ZRSR2: variants seen among roughly 807,000 people sequenced by gnomAD.
The protein encoded by ZRSR2 is zinc finger CCCH-type, RNA binding motif and serine/arginine rich 2.
Under a neutral mutation model 39.4 loss-of-function variants are expected in ZRSR2, and 3 were observed. That is an observed-to-expected ratio of 0.08 (90% CI 0.03 to 0.20). The LOEUF (loss-of-function observed/expected upper bound fraction) is 0.20. ZRSR2 is among the 10% of genes least tolerant of loss of function. The pLI is 1.00. For missense variants in ZRSR2, 256 were observed against 391.5 expected, an observed-to-expected ratio of 0.65 and a Z score of 2.92; for synonymous variants, 137 against 136.0, an observed-to-expected ratio of 1.01 and a Z score of -0.05.
intron 2 of ZRSR2, among the ~76,000 whole-genome samples, chrX:15,795,342 G>A (rs955455900): frequency 5.4e-5 from 6 of 110,637 alleles, no homozygotes; most frequent in African/African-American, 1.6e-4. Context: ...AGAGTACCAC[G>A]TGTAATGAGC....
chrX:15,797,727 C>CG (rs1266861546), intron 2 of ZRSR2, among the ~76,000 whole-genome samples: 1 of 110,591 alleles, frequency 9.0e-6, no homozygotes, highest in Non-Finnish European at 1.9e-5. Flanking sequence ...TTTAAATAGA[C>CG]CAAGGTGGTT....
chrX:15,807,572 G>A (rs1932812777), intron 5 of ZRSR2, among the ~76,000 whole-genome samples: 1 of 109,373 alleles, frequency 9.1e-6, no homozygotes, highest in Non-Finnish European at 1.9e-5. Context: ...TTATAGGTGT[G>A]AGCCACCATG....
Position 15,815,553 on chromosome X carries a change from C to T in ZRSR2, c.558-124C>T, listed in dbSNP as rs767195736. ...AACTCTGGACCTCAGGTGATTCACC[C>T]GCCTCGGCCTCCCAAAGTGTTGGGA... On this transcript the variant is annotated intron_variant, in intron 7 of 10. Transcript: ENST00000307771. 6.2e-5 allele frequency: 34 copies of T among 552,706 alleles called. No individual in the cohort carries two copies. The East Asian group carries it at 8.5e-4, about 14-fold the overall frequency. 45.5% of individuals were successfully genotyped at this position (552,706 alleles called of 1,213,427 possible).
chrX:15,799,936 G>C lies in ZRSR2; in HGVS notation c.186G>C (p.Lys62Asn), dbSNP rs1932610535. ...AAGAACAACAACTAGAAGAAGAGAA[G>C]CTATTGGAAAGAGAGAGGTCAGTGC... ...FIEEQQLEEE[K>N]LLERERQRLH... is the part of the protein sequence containing the mutation. Residue 62 changes from lysine to asparagine, a missense_variant, in exon 3 of 11, where the codon AAG becomes AAC. Transcript: ENST00000307771. 1 of 1,197,955 alleles carries C rather than the reference G, an allele frequency of 8.3e-7. No homozygotes were observed. The highest frequency in any genetic ancestry group is 1.8e-5 in the African/African-American group (1 of 56,682).
chrX:15,798,603 A>G (rs1932557601), intron 2 of ZRSR2, among the ~76,000 whole-genome samples: 1 of 111,620 alleles, frequency 9.0e-6, no homozygotes, highest in African/African-American at 3.3e-5. Context: ...CAGAACCACA[A>G]TACCAAACTT....
intron 5 of ZRSR2, among the ~76,000 whole-genome samples, chrX:15,807,965 G>A (rs1302333815): frequency 9.0e-6 from 1 of 110,514 alleles, no homozygotes; most frequent in Non-Finnish European, 1.9e-5. Flanking sequence ...ACTTGAGCCT[G>A]GGAGGCGGAG....
chrX:15,801,868 T>C (rs1488197406), intron 3 of ZRSR2: 1 of 112,521 alleles, frequency 8.9e-6, no homozygotes, highest in Non-Finnish European at 1.9e-5. Context: ...AGCAAGAAAA[T>C]TATGTAAAAA....
At chrX:15,818,477 C>A (rs1276813589) in intron 8 of ZRSR2, 110 bp from the exon 9 acceptor site, 2 of 677,217 alleles carry the variant, frequency 3.0e-6, no homozygotes, top group Admixed American at 3.2e-5. Context: ...ATTTTGCAAT[C>A]TTTGATTGGT....
At position 15,804,113 on chromosome X, in the gene ZRSR2, A is replaced by C; in HGVS notation, c.315A>C (p.Arg105Ser). The change falls in exon 5 of 11, where the codon AGA (arginine) becomes AGC (serine). Residue 105 changes from arginine (R) to serine (S), a missense_variant and splice_region_variant. Transcript: ENST00000307771. ...AAKKRQEEQE[R>S]KLKEQWEEQQ... The stretch of plus-strand genomic sequence containing the variant: ...TTACTTTTTCTTCCCCTTTAAAGAG[A>C]AAGTTAAAGGAACAATGGGAAGAAC... 1 of 1,185,239 alleles carries C rather than the reference A, an allele frequency of 8.4e-7. No homozygotes were observed. Among genetic ancestry groups the C allele is most frequent in the Non-Finnish European group, 1.1e-6 (1 of 886,669 alleles).
chrX:15,811,969 G>A (rs1322022541), intron 7 of ZRSR2, among the ~76,000 whole-genome samples: 5 of 109,127 alleles, frequency 4.6e-5, no homozygotes, highest in African/African-American at 1.3e-4. Flanking sequence ...TCGCTCTGTC[G>A]CCCAGGCTGG....
At chrX:15,822,401 G>A (rs1355865465) in intron 10 of ZRSR2, among the ~76,000 whole-genome samples, 3 of 112,090 alleles carry the variant, frequency 2.7e-5, no homozygotes, top group East Asian at 5.6e-4. Flanking sequence ...GATCAAAATC[G>A]TCAATCAGTG....
Position 15,823,178 on chromosome X carries a change from G to A in ZRSR2, c.1385G>A (p.Arg462Gln), listed in dbSNP as rs1195011512. Residue 462 changes from arginine to glutamine, a missense_variant, in exon 11 of 11, where the codon CGA becomes CAA. Arg to Gln is a conservative substitution (Grantham distance 43, BLOSUM62 1). This residue lies in a region of ZRSR2 where 111 missense variants were observed against 116.7 expected (regional missense o/e 0.95). Transcript: ENST00000307771. ...RSRSQSSSRS[R>Q]SRGRRRSGNR... ...CGGAGCCAAAGTTCCTCTAGGTCCCGAAGTCGTGGCAGGAGGAGGTCGGGT... is the reference window on the plus strand; with the variant it reads ...CGGAGCCAAAGTTCCTCTAGGTCCCAAAGTCGTGGCAGGAGGAGGTCGGGT... The A allele has an allele frequency of 1.3e-5, 16 of 1,199,226 alleles. No individual in the cohort carries two copies. Among genetic ancestry groups the A allele is most frequent in the Non-Finnish European group, 1.8e-5 (16 of 890,556 alleles).
intron 2 of ZRSR2, 135 bp downstream of exon 2, chrX:15,791,148 T>C: frequency 1.9e-6 from 1 of 525,642 alleles, no homozygotes; most frequent in Admixed American, 3.5e-5. Context: ...TGCCCCCAAG[T>C]AGTTATTTAG....
chrX:15,804,291 C>T (rs927507836), intron 5 of ZRSR2, 94 bp downstream of exon 5: 3 of 1,071,763 alleles, frequency 2.8e-6, no homozygotes, highest in Admixed American at 3.5e-5. Context: ...TTTTTCTTGT[C>T]ATTTCATTGT....
intron 4 of ZRSR2, 44 bp from the exon 5 acceptor site, chrX:15,804,067 T>A: frequency 1.8e-6 from 2 of 1,128,149 alleles, no homozygotes; most frequent in Non-Finnish European, 2.3e-6. Context: ...GAAATGTTTT[T>A]AAAAAGTGAC....
intron 7 of ZRSR2, among the ~76,000 whole-genome samples, chrX:15,812,712 T>A (rs760902707): frequency 2.7e-5 from 3 of 112,253 alleles, no homozygotes; most frequent in Non-Finnish European, 5.6e-5. Flanking sequence ...AGGTTCGTGA[T>A]CTAGCACATT....
intron 2 of ZRSR2, among the ~76,000 whole-genome samples, chrX:15,798,190 C>T (rs1160249083): frequency 8.9e-6 from 1 of 112,484 alleles, no homozygotes; most frequent in African/African-American, 3.2e-5. Flanking sequence ...GTACTCAACA[C>T]ATGTGACAAA....
chrX:15,803,137 C>G (rs1932724777), intron 3 of ZRSR2, among the ~76,000 whole-genome samples: 1 of 109,962 alleles, frequency 9.1e-6, no homozygotes, highest in Admixed American at 9.7e-5. Context: ...GTGGTGGGCA[C>G]CTGTAATCCC....
chrX:15,792,891 A>G (rs1031930353), intron 2 of ZRSR2, among the ~76,000 whole-genome samples: 2 of 112,499 alleles, frequency 1.8e-5, no homozygotes, highest in Non-Finnish European at 3.8e-5. Context: ...TCAAGTAACT[A>G]GGATTCTTGG....
Sources: allele counts gnomAD v4.1 joint callset (sites outside exome capture counted in the v4.1 genomes callset), GRCh38; gene constraint gnomAD v4.1.1; regional missense constraint gnomAD v4.1.1; transcripts MANE v1.5; gene names NCBI Gene and HGNC (gene_info 2026-07-23, HGNC 2026-07-21).